The following FUBP3 variants were observed in gnomAD, a reference collection of about 807,000 sequenced individuals.
FUBP3 encodes the protein far upstream element binding protein 3, also known as far upstream element-binding protein 3.
FUBP3 carries 28 observed loss-of-function variants against 85.6 expected under a neutral mutation model. That is an observed-to-expected ratio of 0.33 (90% CI 0.24 to 0.45). The LOEUF is 0.45. Among genes scored for constraint, FUBP3 ranks in the 20% least tolerant of loss-of-function variants. The pLI, the probability that FUBP3 is intolerant of heterozygous loss-of-function variation, is 1.00. For synonymous variants in FUBP3, 271 were observed against 271.4 expected, an observed-to-expected ratio of 1.00 and a Z score of 0.01; for missense variants, 583 against 755.1, an observed-to-expected ratio of 0.77 and a Z score of 2.67.
chr9:130,622,418 G>A (rs900388885), intron 9 of FUBP3, among the ~76,000 whole-genome samples: 4 of 151,754 alleles, frequency 2.6e-5, no homozygotes, highest in African/African-American at 9.7e-5. Context: ...GATCACCTGA[G>A]GTCTGGAGTT....
At chr9:130,628,617 G>C (rs960151675) in intron 12 of FUBP3, among the ~76,000 whole-genome samples, 2 of 152,176 alleles carry the variant, frequency 1.3e-5, no homozygotes, top group African/African-American at 4.8e-5. Context: ...GGCCTCGGCT[G>C]TCTGGGGACT....
intron 1 of FUBP3, among the ~76,000 whole-genome samples, chr9:130,589,500 T>C (rs1255105760): frequency 1.3e-5 from 2 of 150,668 alleles, no homozygotes; most frequent in Non-Finnish European, 1.5e-5. Flanking sequence ...TGCACCACTA[T>C]GCCCAGCTAA....
At chr9:130,628,632 G>A (rs1391259652) in intron 12 of FUBP3, among the ~76,000 whole-genome samples, 3 of 152,224 alleles carry the variant, frequency 2.0e-5, no homozygotes, top group Admixed American at 6.5e-5. Flanking sequence ...GGGACTGCAG[G>A]ATTCTCAGTC....
chr9:130,591,673 G>A lies in FUBP3; in HGVS notation c.85-3810G>A, dbSNP rs117845373. 4.5e-3 allele frequency among the ~76,000 whole-genome samples: 685 copies of A among 152,240 alleles called. 1 individual carries two copies. The highest frequency in any genetic ancestry group is 8.8e-3 in the Admixed American group (135 of 15,292). The stretch of plus-strand genomic sequence containing the variant: ...AATGCAGTTTCCTCACTTCAGAGCT[G>A]TATCCCAGCTGTTATTCTGTACTAC... On this transcript the variant is annotated intron_variant, in intron 1 of 18. Coordinates refer to ENST00000319725, the MANE Select transcript of FUBP3 (RefSeq NM_003934.2).
chr9:130,601,982 A>G (rs1474382793), intron 2 of FUBP3, among the ~76,000 whole-genome samples: 1 of 151,838 alleles, frequency 6.6e-6, no homozygotes, highest in Non-Finnish European at 1.5e-5. Flanking sequence ...TTGTATTTTT[A>G]GTAGAGATGG....
intron 2 of FUBP3, among the ~76,000 whole-genome samples, chr9:130,601,379 C>T (rs935848164): frequency 6.6e-6 from 1 of 152,096 alleles, no homozygotes; most frequent in Non-Finnish European, 1.5e-5. Context: ...AAGATCAAAG[C>T]CTTTCCAGTT....
At chr9:130,611,281 C>G (rs993675028) in intron 3 of FUBP3, among the ~76,000 whole-genome samples, 8 of 152,320 alleles carry the variant, frequency 5.3e-5, no homozygotes, top group East Asian at 1.9e-4. Context: ...ATAACAAGGT[C>G]AGGAAGCACA....
At chr9:130,585,980 A>G (rs1169561476) in intron 1 of FUBP3, among the ~76,000 whole-genome samples, 1 of 152,136 alleles carries the variant, frequency 6.6e-6, no homozygotes, top group Non-Finnish European at 1.5e-5. Context: ...TTGGAGTTTT[A>G]TTATAAAGAT....
chr9:130,609,443 G>C (rs1831631782), intron 2 of FUBP3, among the ~76,000 whole-genome samples: 2 of 151,386 alleles, frequency 1.3e-5, no homozygotes, highest in South Asian at 2.1e-4. Flanking sequence ...TCTTGGGGGT[G>C]GGGGGGCCGG....
chr9:130,628,094 GCACGCA>G (rs1178545461), intron 12 of FUBP3, among the ~76,000 whole-genome samples: 1 of 119,426 alleles, frequency 8.4e-6, no homozygotes, highest in Non-Finnish European at 1.8e-5. Context: ...ACGCACGCAC[GCACGCA>G]CGCGCACACA....
At chr9:130,589,399 A>C (rs1313833318) in intron 1 of FUBP3, among the ~76,000 whole-genome samples, 1 of 145,466 alleles carries the variant, frequency 6.9e-6, no homozygotes, top group Non-Finnish European at 1.5e-5. Flanking sequence ...GCTGGAGTGC[A>C]ATGGCTCGAT....
chr9:130,582,039 G>GA (rs1287942149), intron 1 of FUBP3: 1 of 152,186 alleles, frequency 6.6e-6, no homozygotes, highest in Non-Finnish European at 1.5e-5. Context: ...TTCTTAGATT[G>GA]AAAAGAAGTC....
chr9:130,605,486 C>T (rs1005159696), intron 2 of FUBP3, among the ~76,000 whole-genome samples: 1 of 152,274 alleles, frequency 6.6e-6, no homozygotes, highest in Non-Finnish European at 1.5e-5. Flanking sequence ...CCCTCGCCTG[C>T]ATGCCACTCT....
chr9:130,593,670 G>A (rs1035282871), intron 1 of FUBP3, among the ~76,000 whole-genome samples: 3 of 152,188 alleles, frequency 2.0e-5, no homozygotes, highest in Admixed American at 2.0e-4. Flanking sequence ...CAATAGGTGT[G>A]AGACTTCTGG....
chr9:130,620,133 T>G (rs1053721171), intron 8 of FUBP3, among the ~76,000 whole-genome samples: 3 of 152,204 alleles, frequency 2.0e-5, no homozygotes, highest in African/African-American at 7.2e-5. Flanking sequence ...TTATAGAAGG[T>G]GGACCCTTCC....
rs753627705 is a variant in FUBP3, at chr9:130,587,068, GT to G, written c.84+7307del. ...CCGGCGTTTTTTGTTTTTTTTTTTT[GT>G]TTGTTTGTTTTTTTGAGATGGAGTC... On this transcript the variant is annotated intron_variant, in intron 1 of 18. Transcript: ENST00000319725. Among the ~76,000 whole-genome samples, 333 of 51,542 alleles carry G rather than the reference GT, an allele frequency of 6.5e-3. 3 individuals are homozygous for G. The highest frequency in any genetic ancestry group is 0.036 in the African/African-American group (312 of 8,596). The allele number at this position is 51,542 out of a possible 152,430, so 33.8% of individuals were successfully genotyped here.
chr9:130,615,143 A>C (rs1342871025), intron 6 of FUBP3, among the ~76,000 whole-genome samples: 1 of 152,196 alleles, frequency 6.6e-6, no homozygotes, highest in Non-Finnish European at 1.5e-5. Flanking sequence ...CAAGCAGTGA[A>C]CCATAATAAA....
At chr9:130,584,174 C>G (rs773808691) in intron 1 of FUBP3, among the ~76,000 whole-genome samples, 2 of 152,190 alleles carry the variant, frequency 1.3e-5, no homozygotes, top group Non-Finnish European at 2.9e-5. Context: ...CTATAGAAGA[C>G]TTACTATGGG....
chr9:130,632,363 C>A, intron 16 of FUBP3, 85 bp downstream of exon 16: 2 of 1,053,258 alleles, frequency 1.9e-6, no homozygotes, highest in Non-Finnish European at 1.4e-6. Flanking sequence ...CCTCGTTCAA[C>A]TCAGCCAGCA....
Sources: allele counts gnomAD v4.1 joint callset (sites outside exome capture counted in the v4.1 genomes callset), GRCh38; gene constraint gnomAD v4.1.1; transcripts MANE v1.5; gene names NCBI Gene and HGNC (gene_info 2026-07-23, HGNC 2026-07-21).